Variants in G2E3 observed in about 807,000 individuals in gnomAD.
The protein encoded by G2E3 is G2/M phase-specific E3 ubiquitin-protein ligase.
A neutral mutation model predicts 92.8 loss-of-function variants in G2E3; 35 were observed. That is an observed-to-expected ratio of 0.38 (90% confidence interval 0.29 to 0.50). G2E3 has a LOEUF of 0.50. G2E3 is among the 20% of genes least tolerant of loss of function. The pLI is 0.94. For synonymous variants in G2E3, 242 were observed against 272.4 expected, an observed-to-expected ratio of 0.89 and a Z score of 1.10; for missense variants, 554 against 823.8, an observed-to-expected ratio of 0.67 and a Z score of 4.01.
chr14:30,559,158 G>A lies in G2E3; in HGVS notation c.-119G>A, dbSNP rs1878931272. ...TCCGGGTTTGCGAGCGGAAGTGGAC[G>A]AATTTGAATCCTGTGGGCCGTTGAA... On this transcript the variant is annotated 5_prime_UTR_variant, in exon 1 of 15. Coordinates refer to ENST00000206595, the MANE Select transcript of G2E3 (RefSeq NM_017769.5). 1 of 152,374 alleles carries A rather than the reference G, an allele frequency of 6.6e-6. No individual in the cohort carries two copies. The highest frequency in any genetic ancestry group is 2.4e-5 in the African/African-American group (1 of 41,472). 9.4% of individuals were successfully genotyped at this position (152,374 alleles called of 1,614,324 possible).
At chr14:30,612,573 G>A (rs1043528530) in intron 13 of G2E3, among the ~76,000 whole-genome samples, 194 bp downstream of exon 13, 4 of 146,582 alleles carry the variant, frequency 2.7e-5, no homozygotes, top group African/African-American at 1.0e-4. Flanking sequence ...CATTGTGTAG[G>A]TCGGGCATGG....
chr14:30,581,573 A>T (rs964899766), intron 2 of G2E3, among the ~76,000 whole-genome samples: 10 of 152,164 alleles, frequency 6.6e-5, no homozygotes, highest in African/African-American at 2.4e-4. Context: ...CAGGAGGCGC[A>T]TGCCTGTAAT....
At chr14:30,599,185 A>C (rs767736863) in intron 8 of G2E3, among the ~76,000 whole-genome samples, 1 of 151,844 alleles carries the variant, frequency 6.6e-6, no homozygotes, top group African/African-American at 2.4e-5. Flanking sequence ...CATTTGGTTT[A>C]GGGCCCACCT....
At chr14:30,602,960 G>C (rs1881644353) in intron 10 of G2E3, 1 of 152,048 alleles carries the variant, frequency 6.6e-6, no homozygotes, top group Non-Finnish European at 1.5e-5. Context: ...TCAATGGCAG[G>C]AGTCTAAATG....
At chr14:30,561,640 A>C (rs1445576912) in intron 1 of G2E3, among the ~76,000 whole-genome samples, 3 of 152,184 alleles carry the variant, frequency 2.0e-5, no homozygotes, top group African/African-American at 7.2e-5. Flanking sequence ...TTTTACTCAA[A>C]TGGGTTTAAA....
chr14:30,563,126 T>A (rs1157417449), intron 1 of G2E3, among the ~76,000 whole-genome samples: 1 of 151,184 alleles, frequency 6.6e-6, no homozygotes, highest in Non-Finnish European at 1.5e-5. Flanking sequence ...AACCCACCGA[T>A]CCTGTGGGGC....
At chr14:30,581,342 CAATA>C (rs138997321) in intron 2 of G2E3, among the ~76,000 whole-genome samples, 2,547 of 152,182 alleles carry the variant, frequency 0.017, 92 homozygotes, top group African/African-American at 0.058. Flanking sequence ...GTTCGTATCT[CAATA>C]AAACAGTTAT....
Position 30,586,776 on chromosome 14 carries a change from T to A in G2E3, c.96T>A (p.Thr32=). ...CTAATAAATACGGAGAAAAGAAAAC[T>A]AAGGAGAAATGGAATCTCACTGTAC... ...DCPNKYGEKK[T]KEKWNLTVHY... The change falls in exon 3 of 15, where the codon ACT becomes ACA. Residue 32 remains threonine, a synonymous_variant. Transcript: ENST00000206595. The A allele has an allele frequency of 7.0e-7, 1 of 1,435,614 alleles. No individual in the cohort carries two copies. Among genetic ancestry groups the A allele is most frequent in the Non-Finnish European group, 9.5e-7 (1 of 1,050,178 alleles). The allele number at this position is 1,435,614 out of a possible 1,614,324, so 88.9% of individuals were successfully genotyped here. A position where few individuals can be genotyped will look rare whatever the true frequency, so the allele number is the denominator to read the frequency against.
At chr14:30,605,926 T>C (rs1881811771) in intron 11 of G2E3, 114 bp downstream of exon 11, 1 of 516,180 alleles carries the variant, frequency 1.9e-6, no homozygotes. Flanking sequence ...CTGTTCACTT[T>C]GTTAATAAAC....
In G2E3 at chr14:30,615,482, A is replaced by G. The variant is rs1254156129; in HGVS notation, c.1807A>G (p.Thr603Ala). The change falls in exon 14 of 15, where the codon ACA (threonine) becomes GCA (alanine). Residue 603 changes from threonine to alanine, a missense_variant. Physicochemically the swap from Thr to Ala is moderately conservative, Grantham distance 58. Coordinates refer to ENST00000206595, the MANE Select transcript of G2E3 (RefSeq NM_017769.5). ...KILSELFTVH[T>A]LPDVKALGFW... ...CCTTAGTGAGCTTTTTACAGTACAC[A>G]CATTACCTGATGTGAAAGCTTTGGG... The G allele has an allele frequency of 1.9e-6, 3 of 1,610,240 alleles. No individual in the cohort carries two copies. Among genetic ancestry groups the G allele is most frequent in the Non-Finnish European group, 1.7e-6 (2 of 1,178,282 alleles).
At chr14:30,590,104 A>T (rs980008208) in intron 4 of G2E3, among the ~76,000 whole-genome samples, 1 of 152,144 alleles carries the variant, frequency 6.6e-6, no homozygotes, top group African/African-American at 2.4e-5. Context: ...AAACGTCTCC[A>T]TATTGTCTAA....
chr14:30,611,471 C>T (rs1882083059), intron 12 of G2E3: 1 of 152,122 alleles, frequency 6.6e-6, no homozygotes, highest in Admixed American at 6.6e-5. Flanking sequence ...TCCATCTGTA[C>T]CTTTAAGAGC....
chr14:30,612,633 A>G (rs1270270243), intron 13 of G2E3, among the ~76,000 whole-genome samples: 12 of 152,118 alleles, frequency 7.9e-5, no homozygotes, highest in Non-Finnish European at 2.9e-5. Flanking sequence ...TGGGGCAGGC[A>G]GATCATTTGA....
intron 10 of G2E3, chr14:30,602,676 A>G (rs1274552441): frequency 1.3e-5 from 2 of 152,406 alleles, no homozygotes; most frequent in Admixed American, 1.3e-4. Flanking sequence ...CAGTGGCATG[A>G]TCATGGCTCA....
intron 1 of G2E3, among the ~76,000 whole-genome samples, chr14:30,563,317 C>T (rs1879228534): frequency 6.6e-6 from 1 of 152,120 alleles, no homozygotes; most frequent in African/African-American, 2.4e-5. Flanking sequence ...AAAACCTGCC[C>T]AACAATGTAG....
intron 2 of G2E3, among the ~76,000 whole-genome samples, chr14:30,584,541 T>C (rs1256969910): frequency 1.3e-5 from 2 of 152,222 alleles, no homozygotes; most frequent in African/African-American, 2.4e-5. Flanking sequence ...CAATACTTGT[T>C]ATTGTCAGAC....
At chr14:30,588,122 GTCATT>G (rs890822608) in intron 3 of G2E3, among the ~76,000 whole-genome samples, 3 of 152,048 alleles carry the variant, frequency 2.0e-5, no homozygotes, top group African/African-American at 7.2e-5. Flanking sequence ...ACATGAAGTT[GTCATT>G]CCAAATATGT....
At chr14:30,561,643 G>A (rs1397468848) in intron 1 of G2E3, among the ~76,000 whole-genome samples, 3 of 152,064 alleles carry the variant, frequency 2.0e-5, no homozygotes, top group Non-Finnish European at 4.4e-5. Context: ...TACTCAAATG[G>A]GTTTAAAGAC....
At chr14:30,610,287 G>T (rs1036335275) in intron 12 of G2E3, among the ~76,000 whole-genome samples, 1 of 152,132 alleles carries the variant, frequency 6.6e-6, no homozygotes, top group Admixed American at 6.5e-5. Context: ...AATGTAATAT[G>T]CCATCACGTA....
Sources: gnomAD v4.1 joint callset for allele counts (sites outside exome capture counted in the v4.1 genomes callset) on GRCh38, gnomAD v4.1.1 for gene constraint, MANE v1.5 for transcripts, NCBI Gene and HGNC (gene_info 2026-07-23, HGNC 2026-07-21) for gene names.